Variants in FRMPD4 observed in about 807,000 individuals in gnomAD.
FRMPD4 encodes the protein FERM and PDZ domain containing 4.
A neutral mutation model predicts 94.1 loss-of-function variants in FRMPD4; 22 were observed. That is an observed-to-expected ratio of 0.23 (90% CI 0.17 to 0.33). The LOEUF (loss-of-function observed/expected upper bound fraction) is 0.33. Among genes scored for constraint, FRMPD4 ranks in the 10% least tolerant of loss-of-function variants. The probability of loss-of-function intolerance (pLI) is 1.00; values close to 1 mark genes in which losing one functional copy is unlikely to be tolerated. For synonymous variants in FRMPD4, 631 were observed against 548.6 expected, an observed-to-expected ratio of 1.15 and a Z score of -2.10; for missense variants, 1,111 against 1,339.9, an observed-to-expected ratio of 0.83 and a Z score of 2.67.
At chrX:12,590,807 AT>A in intron 2 of FRMPD4, among the ~76,000 whole-genome samples, 1 of 111,743 alleles carries the variant, frequency 8.9e-6, no homozygotes, top group Non-Finnish European at 1.9e-5. Context: ...TAAAGCTCCA[AT>A]TTAGGTATGT....
intron 3 of FRMPD4, among the ~76,000 whole-genome samples, chrX:12,105,835 C>T (rs996008312): frequency 1.6e-4 from 18 of 112,089 alleles, no homozygotes; most frequent in Non-Finnish European, 3.0e-4. Flanking sequence ...TTTCATGATA[C>T]CCAGTAAGTC....
At chrX:12,491,253 A>G (rs1428714499) in intron 1 of FRMPD4, among the ~76,000 whole-genome samples, 1 of 112,289 alleles carries the variant, frequency 8.9e-6, no homozygotes, top group Non-Finnish European at 1.9e-5. Context: ...AAATTTAAAT[A>G]CACAATATAA....
At chrX:11,948,094 A>C (rs1346530214) in intron 3 of FRMPD4, among the ~76,000 whole-genome samples, 2 of 105,999 alleles carry the variant, frequency 1.9e-5, no homozygotes, top group Non-Finnish European at 3.9e-5. Context: ...CCATCACAAA[A>C]AAAAAAAAAA....
chrX:11,981,934 T>C (rs2054399795), intron 3 of FRMPD4, among the ~76,000 whole-genome samples: 1 of 111,837 alleles, frequency 8.9e-6, no homozygotes, highest in Non-Finnish European at 1.9e-5. Flanking sequence ...TTTCAGCTTA[T>C]ATATCACTGT....
intron 3 of FRMPD4, among the ~76,000 whole-genome samples, chrX:12,009,638 C>A (rs766447202): frequency 1.8e-5 from 2 of 111,811 alleles, no homozygotes; most frequent in African/African-American, 3.2e-5. Context: ...ACCATTGGGG[C>A]GTATTATTCT....
intron 1 of FRMPD4, among the ~76,000 whole-genome samples, chrX:12,181,372 C>T (rs2056356344): frequency 8.9e-6 from 1 of 111,737 alleles, no homozygotes; most frequent in Non-Finnish European, 1.9e-5. Context: ...TAGTGTTTTC[C>T]ACAACTGAAG....
chrX:12,031,920 G>A (rs1031253267), intron 3 of FRMPD4, among the ~76,000 whole-genome samples: 2 of 111,647 alleles, frequency 1.8e-5, no homozygotes, highest in African/African-American at 6.5e-5. Flanking sequence ...TATGGACACA[G>A]TTGAGAAAGC....
chrX:12,573,278 G>A lies in FRMPD4; in HGVS notation c.159-36443G>A, dbSNP rs140920719. Reference sequence around the variant, plus strand: ...TACCTTTAAAGCACAACAGAGCTCTGCCTGTCTTATTAAAAAGGACTTAAA... The same window carrying A: ...TACCTTTAAAGCACAACAGAGCTCTACCTGTCTTATTAAAAAGGACTTAAA... On this transcript the variant is annotated intron_variant, in intron 2 of 16. Transcript: ENST00000675598. 8.0e-5 allele frequency among the ~76,000 whole-genome samples: 9 copies of A among 112,211 alleles called. No homozygotes were observed. The Admixed American group carries it at 8.5e-4, about 11-fold the overall frequency.
At chrX:12,413,804 A>G (rs1569266483) in intron 1 of FRMPD4, among the ~76,000 whole-genome samples, 2 of 112,529 alleles carry the variant, frequency 1.8e-5, no homozygotes, top group African/African-American at 3.2e-5. Context: ...GTGCCTACCA[A>G]TTAAACCACT....
chrX:12,511,141 C>T (rs1288658558), intron 2 of FRMPD4, among the ~76,000 whole-genome samples: 3 of 111,583 alleles, frequency 2.7e-5, no homozygotes, highest in Admixed American at 9.5e-5. Context: ...GAAGATTTTT[C>T]CCTGCACAAA....
intron 3 of FRMPD4, among the ~76,000 whole-genome samples, chrX:11,967,856 G>T (rs1209031052): frequency 9.6e-6 from 1 of 104,190 alleles, no homozygotes; most frequent in Non-Finnish European, 1.9e-5. Flanking sequence ...AGTTTTCTCT[G>T]TGAAGAAGAA....
In FRMPD4 at chrX:11,973,369, A is replaced by T. The variant is rs1026298927; in HGVS notation, c.95+95351A>T. Among the ~76,000 whole-genome samples, 4 of 112,119 alleles carry T rather than the reference A, an allele frequency of 3.6e-5. No individual in the cohort carries two copies. The Admixed American group carries it at 3.8e-4, about 11-fold the overall frequency. The stretch of plus-strand genomic sequence containing the variant: ...TTTTGTGTGTACTGCCTGAAAAGGA[A>T]ATCAGGTATAAATCCATCTCCAGGT... On this transcript the variant is annotated intron_variant, in intron 3 of 18. Transcript: ENST00000640291.
chrX:12,386,217 T>C (rs1301582691), intron 1 of FRMPD4, among the ~76,000 whole-genome samples: 2 of 112,329 alleles, frequency 1.8e-5, no homozygotes, highest in East Asian at 2.8e-4. Context: ...GCAGCTGAAA[T>C]TTCCACCAAG....
intron 3 of FRMPD4, among the ~76,000 whole-genome samples, chrX:12,027,045 A>G (rs2054665178): frequency 8.9e-6 from 1 of 112,014 alleles, no homozygotes; most frequent in Non-Finnish European, 1.9e-5. Context: ...CTTCTGCATA[A>G]TCACTTCTAG....
At chrX:12,470,680 GAT>G (rs1234162958) in intron 1 of FRMPD4, among the ~76,000 whole-genome samples, 1 of 111,776 alleles carries the variant, frequency 8.9e-6, no homozygotes, top group Non-Finnish European at 1.9e-5. Flanking sequence ...TAACAAATAA[GAT>G]AGAAAATTCT....
At chrX:12,149,989 G>A (rs755982347) in intron 1 of FRMPD4, among the ~76,000 whole-genome samples, 15 of 112,312 alleles carry the variant, frequency 1.3e-4, no homozygotes, top group Non-Finnish European at 2.4e-4. Flanking sequence ...TAACAATAAA[G>A]TATTTATAAA....
chrX:12,541,974 A>G (rs767013993), intron 2 of FRMPD4, among the ~76,000 whole-genome samples: 2 of 112,355 alleles, frequency 1.8e-5, no homozygotes, highest in Admixed American at 9.4e-5. Flanking sequence ...ACATAAACAG[A>G]ACCAAAGACA....
intron 3 of FRMPD4, among the ~76,000 whole-genome samples, chrX:12,100,144 A>G (rs1246527266): frequency 2.7e-5 from 3 of 112,332 alleles, no homozygotes; most frequent in Non-Finnish European, 5.6e-5. Context: ...TGTCAATGGC[A>G]GCTGTAGCTC....
chrX:12,269,761 C>A, intron 1 of FRMPD4, among the ~76,000 whole-genome samples: 1 of 111,733 alleles, frequency 8.9e-6, no homozygotes, highest in Non-Finnish European at 1.9e-5. Context: ...CACACACAGC[C>A]AGGAGTTATC....
Sources: gnomAD v4.1 joint callset for allele counts (sites outside exome capture counted in the v4.1 genomes callset) on GRCh38, gnomAD v4.1.1 for gene constraint, MANE v1.5 for transcripts, NCBI Gene and HGNC (gene_info 2026-07-23, HGNC 2026-07-21) for gene names.